GAREM1: variants seen among roughly 807,000 people sequenced by gnomAD.
GAREM1 encodes the protein GRB2 associated regulator of MAPK1 subtype 1, also known as GRB2-associated and regulator of MAPK protein 1.
A neutral mutation model predicts 71.3 loss-of-function variants in GAREM1; 26 were observed. The observed-to-expected ratio is 0.36, with a 90% CI of 0.27 to 0.51. The LOEUF (loss-of-function observed/expected upper bound fraction) is 0.51. Ranked by LOEUF, GAREM1 falls within the 20% of genes least tolerant of loss-of-function variation. GAREM1 has a pLI of 0.95. For missense variants in GAREM1, 1,026 were observed against 1,103.1 expected, an observed-to-expected ratio of 0.93 and a Z score of 0.99; for synonymous variants, 440 against 433.2, an observed-to-expected ratio of 1.02 and a Z score of -0.20.
In GAREM1 at chr18:32,310,297, G is replaced by A. The variant is rs1385576686; in HGVS notation, c.289C>T (p.Arg97Ter). The part of the protein sequence containing the change: ...AGQFKLLEQD[R>*]DIKEPVQYFN... ...TATTGCACTGGCTCCTTTATATCTC[G>A]GTCTTGTTCCAGCAGCTTGAATTGC... Residue 97 changes from arginine (R) to a stop codon, truncating the protein, a stop_gained, in exon 3 of 6, where the codon CGA becomes TGA. Coordinates refer to ENST00000269209, the MANE Select transcript of GAREM1 (RefSeq NM_001242409.2). LOFTEE classifies it high-confidence loss of function. 2 of 1,613,808 alleles carry A rather than the reference G, an allele frequency of 1.2e-6. No homozygotes were observed. The highest frequency in any genetic ancestry group is 1.7e-5 in the Admixed American group (1 of 59,960).
chr18:32,343,744 G>A (rs1415376907), intron 2 of GAREM1, among the ~76,000 whole-genome samples: 1 of 151,850 alleles, frequency 6.6e-6, no homozygotes, highest in Non-Finnish European at 1.5e-5. Flanking sequence ...ATGCACTTAC[G>A]GCAACTTCAT....
intron 3 of GAREM1, among the ~76,000 whole-genome samples, chr18:32,305,413 ACCT>A (rs2144508772): frequency 6.6e-6 from 1 of 151,786 alleles, no homozygotes; most frequent in African/African-American, 2.4e-5. Context: ...CTCTACCACC[ACCT>A]CCTATTTTGC....
At chr18:32,337,631 T>C (rs1219667335) in intron 2 of GAREM1, among the ~76,000 whole-genome samples, 3 of 152,190 alleles carry the variant, frequency 2.0e-5, no homozygotes, top group South Asian at 2.1e-4. Flanking sequence ...TATTCAAAAC[T>C]AAGATCTTTA....
intron 3 of GAREM1, among the ~76,000 whole-genome samples, chr18:32,299,684 T>C (rs189210685): frequency 1.2e-4 from 19 of 152,222 alleles, no homozygotes; most frequent in Non-Finnish European, 2.4e-4. Flanking sequence ...TGATGGGATG[T>C]TGTTGATGTT....
intron 2 of GAREM1, among the ~76,000 whole-genome samples, chr18:32,377,913 T>G (rs2048048888): frequency 6.6e-6 from 1 of 152,058 alleles, no homozygotes; most frequent in African/African-American, 2.4e-5. Flanking sequence ...CATCAAATGA[T>G]TTTCCTTCTA....
At chr18:32,372,513 G>A (rs531411997) in intron 2 of GAREM1, among the ~76,000 whole-genome samples, 4 of 152,146 alleles carry the variant, frequency 2.6e-5, no homozygotes, top group Non-Finnish European at 5.9e-5. Flanking sequence ...AGCCCTAGGA[G>A]CTATGCCTCT....
At chr18:32,331,094 G>T (rs567344125) in intron 2 of GAREM1, among the ~76,000 whole-genome samples, 41 of 152,102 alleles carry the variant, frequency 2.7e-4, no homozygotes, top group African/African-American at 9.4e-4. Flanking sequence ...ATAATTATAG[G>T]TTTTTTTCCC....
At chr18:32,446,223 A>AGTGTGTGTGTGTGT (rs10587223) in intron 1 of GAREM1, among the ~76,000 whole-genome samples, 3 of 143,344 alleles carry the variant, frequency 2.1e-5, no homozygotes, top group African/African-American at 7.8e-5. Context: ...AGTTCCCCAT[A>AGTGTGTGTGTGTGT]GTGTGTGTGT....
chr18:32,437,699 C>T (rs1188411356), intron 1 of GAREM1, among the ~76,000 whole-genome samples: 1 of 151,800 alleles, frequency 6.6e-6, no homozygotes, highest in Non-Finnish European at 1.5e-5. Flanking sequence ...AGATGGCAAA[C>T]CAGGGAACTT....
chr18:32,374,109 C>A (rs1040570739), intron 2 of GAREM1, among the ~76,000 whole-genome samples: 4 of 152,158 alleles, frequency 2.6e-5, no homozygotes, highest in Non-Finnish European at 5.9e-5. Flanking sequence ...CCAGCATTCA[C>A]ACAACATATC....
rs676608 is a variant in GAREM1 at position 32,267,533 on chromosome 18, C to T, written c.*338G>A. 160,793 of 161,012 alleles carry T rather than the reference C, an allele frequency of 1. 80,287 individuals carry two copies. Among genetic ancestry groups the T allele is most frequent in the Middle Eastern group, 1 (340 of 340 alleles). 10.0% of individuals were successfully genotyped at this position (161,012 alleles called of 1,614,324 possible). A position where few individuals can be genotyped will look rare whatever the true frequency, so the allele number is the denominator to read the frequency against. ...TTTTTTTTAAAGATTTTTATGTCTTCCAGCTTTGGCTATTTTGTAATAAAT... is the reference window on the plus strand; with the variant it reads ...TTTTTTTTAAAGATTTTTATGTCTTTCAGCTTTGGCTATTTTGTAATAAAT... On this transcript the variant is annotated 3_prime_UTR_variant, in exon 6 of 6. Coordinates refer to ENST00000269209, the MANE Select transcript of GAREM1 (RefSeq NM_001242409.2).
intron 2 of GAREM1, among the ~76,000 whole-genome samples, chr18:32,392,220 C>T (rs2048208724): frequency 6.6e-6 from 1 of 150,902 alleles, no homozygotes; most frequent in African/African-American, 2.4e-5. Flanking sequence ...TTTTTAATGG[C>T]ATTTATAAGC....
intron 1 of GAREM1, among the ~76,000 whole-genome samples, chr18:32,453,224 G>T (rs1050935250): frequency 6.6e-6 from 1 of 152,046 alleles, no homozygotes. Flanking sequence ...ACTACCATGA[G>T]AACAGTACAG....
At chr18:32,354,470 C>A (rs1160266951) in intron 2 of GAREM1, among the ~76,000 whole-genome samples, 1 of 152,134 alleles carries the variant, frequency 6.6e-6, no homozygotes, top group Non-Finnish European at 1.5e-5. Flanking sequence ...AAATTAACTC[C>A]AAATGCCACC....
intron 2 of GAREM1, among the ~76,000 whole-genome samples, chr18:32,359,196 TAAAAG>T (rs1221533764): frequency 6.6e-6 from 1 of 152,212 alleles, no homozygotes; most frequent in Non-Finnish European, 1.5e-5. Context: ...TTATAATTAA[TAAAAG>T]AAAACCAGCA....
chr18:32,274,445 G>A (rs1222259532), intron 4 of GAREM1, among the ~76,000 whole-genome samples: 1 of 152,064 alleles, frequency 6.6e-6, no homozygotes, highest in Non-Finnish European at 1.5e-5. Context: ...TAGCTTTTAA[G>A]TGTAACATTT....
chr18:32,428,267 A>C (rs1568007634), intron 1 of GAREM1, among the ~76,000 whole-genome samples: 1 of 152,206 alleles, frequency 6.6e-6, no homozygotes, highest in Non-Finnish European at 1.5e-5. Context: ...GTATTGTAAG[A>C]GACAACTTTT....
At chr18:32,308,588 T>C (rs187887853) in intron 3 of GAREM1, among the ~76,000 whole-genome samples, 1 of 150,118 alleles carries the variant, frequency 6.7e-6, no homozygotes, top group East Asian at 2.0e-4. Context: ...TTAAGTCATA[T>C]CAAAACACTA....
At chr18:32,280,115 A>G (rs2041594235) in intron 4 of GAREM1, among the ~76,000 whole-genome samples, 1 of 152,222 alleles carries the variant, frequency 6.6e-6, no homozygotes, top group South Asian at 2.1e-4. Flanking sequence ...GGAAAAGTAA[A>G]TAATCACTAA....
Sources: allele counts gnomAD v4.1 joint callset (sites outside exome capture counted in the v4.1 genomes callset), GRCh38; gene constraint gnomAD v4.1.1; transcripts MANE v1.5; gene names NCBI Gene and HGNC (gene_info 2026-07-23, HGNC 2026-07-21).